The following GALNT13 variants were observed in gnomAD, a reference collection of about 807,000 sequenced individuals.
GALNT13 encodes UDP-GalNAc:polypeptide N-acetylgalactosaminyltransferase 13.
GALNT13 carries 28 observed loss-of-function variants against 64.2 expected under a neutral mutation model. The observed-to-expected ratio is 0.44, with a 90% confidence interval of 0.32 to 0.60. The LOEUF (loss-of-function observed/expected upper bound fraction) is 0.60, where lower values mean the gene tolerates loss of function less well. GALNT13 is among the 20% of genes least tolerant of loss of function. The pLI is 0.05. For synonymous variants in GALNT13, 214 were observed against 224.6 expected (o/e 0.95, Z 0.42); for missense variants, 577 against 669.8 (o/e 0.86, Z 1.53).
At chr2:154,037,678 CAT>C (rs1698740265) in intron 3 of GALNT13, among the ~76,000 whole-genome samples, 1 of 152,106 alleles carries the variant, frequency 6.6e-6, no homozygotes, top group Non-Finnish European at 1.5e-5. Context: ...ACAAAATCAA[CAT>C]ATAAAAATCA....
the GALNT13 span, among the ~76,000 whole-genome samples, chr2:153,241,852 T>C: frequency 5.3e-5 from 8 of 152,046 alleles, no homozygotes; most frequent in Non-Finnish European, 1.0e-4. Flanking sequence ...TATCATAGAA[T>C]AGTATGTGAG....
the GALNT13 span, among the ~76,000 whole-genome samples, chr2:153,534,521 TC>T: frequency 2.9e-3 from 430 of 146,856 alleles, 17 homozygotes; most frequent in African/African-American, 6.4e-3. Context: ...CCTCTTTCTT[TC>T]TTTCTTTTTT....
intron 10 of GALNT13, among the ~76,000 whole-genome samples, chr2:154,403,705 A>G (rs965055277): frequency 1.3e-5 from 2 of 152,104 alleles, no homozygotes; most frequent in African/African-American, 4.8e-5. Context: ...CCCCAGGCCT[A>G]ATACCAGGTT....
At chr2:153,229,654 G>A in the GALNT13 span, among the ~76,000 whole-genome samples, 1 of 152,104 alleles carries the variant, frequency 6.6e-6, no homozygotes, top group Non-Finnish European at 1.5e-5. Flanking sequence ...TTTCCTTTCT[G>A]CTGATGACTT....
the GALNT13 span, among the ~76,000 whole-genome samples, chr2:153,434,068 G>C: frequency 6.6e-6 from 1 of 152,126 alleles, no homozygotes; most frequent in African/African-American, 2.4e-5. Context: ...CTATGAGTGA[G>C]AACATGCGGT....
At chr2:153,855,627 A>C in the GALNT13 span, among the ~76,000 whole-genome samples, 1 of 152,184 alleles carries the variant, frequency 6.6e-6, no homozygotes, top group Admixed American at 6.5e-5. Context: ...AACCTCATAC[A>C]TTGCTGGTGG....
the GALNT13 span, among the ~76,000 whole-genome samples, chr2:153,541,128 G>C: frequency 1.2e-3 from 176 of 152,284 alleles, no homozygotes; most frequent in African/African-American, 3.9e-3. Context: ...GAGGGACCCA[G>C]TGGGAGGTGA....
At chr2:153,348,834 A>G in the GALNT13 span, among the ~76,000 whole-genome samples, 1 of 152,238 alleles carries the variant, frequency 6.6e-6, no homozygotes, top group African/African-American at 2.4e-5. Context: ...GGTCCCCAGC[A>G]CACGGCAGTC....
At chr2:153,448,656 T>C in the GALNT13 span, among the ~76,000 whole-genome samples, 16 of 152,074 alleles carry the variant, frequency 1.1e-4, no homozygotes, top group Admixed American at 1.0e-3. Flanking sequence ...AAAAATCAGA[T>C]TAAAAGAATA....
chr2:154,114,125 A>G (rs1703142926), intron 3 of GALNT13, among the ~76,000 whole-genome samples: 1 of 152,194 alleles, frequency 6.6e-6, no homozygotes, highest in Non-Finnish European at 1.5e-5. Flanking sequence ...TGATGGTGGC[A>G]CTAATCTCCA....
At chr2:153,288,045 A>G in the GALNT13 span, among the ~76,000 whole-genome samples, 24,263 of 151,914 alleles carry the variant, frequency 0.16, 2,607 homozygotes, top group African/African-American at 0.31. Context: ...AGGCTGTTGG[A>G]GGGATGGGCT....
At chr2:154,184,745 T>C (rs1032652540) in intron 4 of GALNT13, among the ~76,000 whole-genome samples, 1 of 152,154 alleles carries the variant, frequency 6.6e-6, no homozygotes, top group African/African-American at 2.4e-5. Flanking sequence ...CCAGAACTTA[T>C]AGAGCAATAA....
chr2:154,018,418 G>A (rs1425245606), intron 3 of GALNT13, among the ~76,000 whole-genome samples: 1 of 152,062 alleles, frequency 6.6e-6, no homozygotes, highest in Non-Finnish European at 1.5e-5. Context: ...TTTGGAATTG[G>A]GTCTCATAGA....
the GALNT13 span, among the ~76,000 whole-genome samples, chr2:153,545,098 A>G: frequency 6.6e-6 from 1 of 152,082 alleles, no homozygotes; most frequent in African/African-American, 2.4e-5. Context: ...TTTGAGTAGC[A>G]AAGACTCAGA....
At chr2:153,851,482 C>G in the GALNT13 span, among the ~76,000 whole-genome samples, 1 of 151,632 alleles carries the variant, frequency 6.6e-6, no homozygotes, top group Non-Finnish European at 1.5e-5. Flanking sequence ...TGAAGGATGA[C>G]TTGAGGCCAG....
chr2:154,408,956 T>TCC (rs566951159), intron 10 of GALNT13, 28 bp from the exon 11 acceptor site: 2 of 1,349,336 alleles, frequency 1.5e-6, no homozygotes, highest in East Asian at 2.3e-5. Flanking sequence ...TTATGTTTTA[T>TCC]CCCCCCCCTT....
chr2:153,325,234 A>T, the GALNT13 span, among the ~76,000 whole-genome samples: 1 of 143,128 alleles, frequency 7.0e-6, no homozygotes, highest in Non-Finnish European at 1.5e-5. Context: ...TGGGAGGTGT[A>T]TGTGTCCAGG....
At chr2:153,584,206 G>A in the GALNT13 span, among the ~76,000 whole-genome samples, 5 of 152,232 alleles carry the variant, frequency 3.3e-5, no homozygotes, top group African/African-American at 1.2e-4. Context: ...TTCACCAGGG[G>A]CCTGAGAACT....
chr2:154,212,491 G>A (rs985870014), intron 4 of GALNT13, among the ~76,000 whole-genome samples: 46 of 151,998 alleles, frequency 3.0e-4, no homozygotes, highest in Admixed American at 2.2e-3. Context: ...TGATCCACCC[G>A]CCTCAGCCTC....
Sources: gnomAD v4.1 joint callset for allele counts (sites outside exome capture counted in the v4.1 genomes callset) on GRCh38, gnomAD v4.1.1 for gene constraint, MANE v1.5 for transcripts, NCBI Gene and HGNC (gene_info 2026-07-23, HGNC 2026-07-21) for gene names.